The following ANO3 variants were observed in gnomAD, a reference collection of about 807,000 sequenced individuals.
ANO3 encodes the protein anoctamin 3, also known as anoctamin-3.
Under a neutral mutation model 144.8 loss-of-function variants are expected in ANO3, and 99 were observed. The observed-to-expected ratio is 0.68, with a 90% confidence interval of 0.58 to 0.81. ANO3 has a LOEUF of 0.81. ANO3 is among the 30% of genes least tolerant of loss of function. The pLI is 0.00. For synonymous variants in ANO3, 414 were observed against 392.6 expected, an observed-to-expected ratio of 1.05 and a Z score of -0.64; for missense variants, 905 against 1,202.2, an observed-to-expected ratio of 0.75 and a Z score of 3.66.
intron 13 of ANO3, among the ~76,000 whole-genome samples, 153 bp downstream of exon 13, chr11:26,553,498 A>C (rs980864609): frequency 2.6e-5 from 4 of 152,118 alleles, no homozygotes; most frequent in African/African-American, 9.7e-5. Context: ...ATGTCAGTCT[A>C]TTGCAATTAG....
chr11:26,508,416 T>C, intron 5 of ANO3, 154 bp downstream of exon 5: 1 of 568,328 alleles, frequency 1.8e-6, no homozygotes, highest in Middle Eastern at 4.6e-4. Flanking sequence ...CATAGCCCTA[T>C]TAAATATGTA....
At chr11:26,509,645 A>G (rs1861578550) in intron 5 of ANO3, among the ~76,000 whole-genome samples, 1 of 152,172 alleles carries the variant, frequency 6.6e-6, no homozygotes. Flanking sequence ...TTTGTAAAAA[A>G]TAGGAGCAAC....
At chr11:26,209,865 T>C (rs548772936) in intron 1 of ANO3, among the ~76,000 whole-genome samples, 1 of 152,316 alleles carries the variant, frequency 6.6e-6, no homozygotes, top group South Asian at 2.1e-4. Context: ...TTTGTTTAAG[T>C]TCTTTGTAGA....
At chr11:26,437,630 C>T (rs1259126050) in intron 1 of ANO3, among the ~76,000 whole-genome samples, 3 of 3,658 alleles carry the variant, frequency 8.2e-4, no homozygotes, top group Non-Finnish European at 1.5e-3. Context: ...AGAGTGGGCA[C>T]ACTAGCTAAT....
chr11:26,409,909 C>T (rs1437066459), intron 1 of ANO3, among the ~76,000 whole-genome samples: 1 of 151,920 alleles, frequency 6.6e-6, no homozygotes, highest in Non-Finnish European at 1.5e-5. Flanking sequence ...TAATTAAATT[C>T]CTATATCTCA....
At chr11:26,342,415 C>T (rs7933386) in intron 1 of ANO3, among the ~76,000 whole-genome samples, 12,075 of 152,138 alleles carry the variant, frequency 0.079, 569 homozygotes, top group Non-Finnish European at 0.11. Flanking sequence ...CTAAAGAGAA[C>T]TAGTTTGACC....
chr11:26,328,653 C>A (rs997500455), upstream of ANO3, among the ~76,000 whole-genome samples: 1 of 152,122 alleles, frequency 6.6e-6, no homozygotes, highest in African/African-American at 2.4e-5. Flanking sequence ...AAGTTAATTA[C>A]TTAAGGAGGA....
intron 1 of ANO3, among the ~76,000 whole-genome samples, chr11:26,393,048 G>A (rs951949884): frequency 8.5e-5 from 13 of 152,122 alleles, no homozygotes; most frequent in African/African-American, 3.1e-4. Context: ...CTGTTAATAT[G>A]CAGAAAGGCA....
chr11:26,332,113 C>G (rs1855061372), upstream of ANO3: 1 of 1,480,274 alleles, frequency 6.8e-7, no homozygotes, highest in African/African-American at 1.4e-5. Context: ...ACAACGACAC[C>G]GGCGGGCGCG....
At chr11:26,196,836 GT>G (rs1851599170) in intron 1 of ANO3, among the ~76,000 whole-genome samples, 3 of 152,178 alleles carry the variant, frequency 2.0e-5, no homozygotes, top group African/African-American at 7.2e-5. Flanking sequence ...AAGTTCCAGT[GT>G]ATAAAATGTT....
rs1366416693 is a variant in ANO3 at position 26,407,074 on chromosome 11, G to GTA, written c.47-34843_47-34842insAT. Reference sequence around the variant, plus strand: ...TGTGTGTGTGTGTGTGTGTGTGTGTGTGTATATATATATATATATGTATAT... The same window carrying GTA: ...TGTGTGTGTGTGTGTGTGTGTGTGTGTATGTATATATATATATATATGTATAT... On this transcript the variant is annotated intron_variant, in intron 1 of 26. Transcript: ENST00000256737. 3.8e-3 allele frequency among the ~76,000 whole-genome samples: 391 copies of GTA among 101,634 alleles called. 3 individuals are homozygous for GTA. Among genetic ancestry groups the GTA allele is most frequent in the African/African-American group, 0.011 (364 of 32,286 alleles). The allele number at this position is 101,634 out of a possible 152,430, so 66.7% of individuals were successfully genotyped here.
chr11:26,311,890 T>G (rs962071814), intron 1 of ANO3, among the ~76,000 whole-genome samples: 1 of 152,236 alleles, frequency 6.6e-6, no homozygotes, highest in Non-Finnish European at 1.5e-5. Flanking sequence ...AGGGTACATG[T>G]GCACAATGTG....
intron 17 of ANO3, among the ~76,000 whole-genome samples, chr11:26,623,384 G>A (rs1032140817): frequency 6.6e-6 from 1 of 152,136 alleles, no homozygotes; most frequent in African/African-American, 2.4e-5. Context: ...GTGGTTATGA[G>A]GTAATATTCA....
At chr11:26,377,893 C>T (rs1856458973) in intron 1 of ANO3, among the ~76,000 whole-genome samples, 1 of 152,078 alleles carries the variant, frequency 6.6e-6, no homozygotes, top group Non-Finnish European at 1.5e-5. Flanking sequence ...GAAGAAATCA[C>T]TGTCCATGCA....
At chr11:26,482,196 C>A (rs293946) in intron 4 of ANO3, among the ~76,000 whole-genome samples, 2,478 of 151,988 alleles carry the variant, frequency 0.016, 61 homozygotes, top group African/African-American at 0.056. Flanking sequence ...CTCCTCCCAG[C>A]TTTTAGTGTT....
At chr11:26,555,741 T>C (rs1850065618) in intron 13 of ANO3, among the ~76,000 whole-genome samples, 1 of 152,182 alleles carries the variant, frequency 6.6e-6, no homozygotes, top group Admixed American at 6.6e-5. Context: ...CTTCCCTTAT[T>C]GGATGGAAAT....
intron 1 of ANO3, among the ~76,000 whole-genome samples, chr11:26,397,070 G>C (rs1461792735): frequency 1.3e-5 from 2 of 151,856 alleles, no homozygotes; most frequent in Admixed American, 6.6e-5. Flanking sequence ...AGAACCTTTA[G>C]TTTCTTATTC....
intron 6 of ANO3, among the ~76,000 whole-genome samples, chr11:26,518,065 CA>C (rs1018884469): frequency 6.6e-6 from 1 of 151,380 alleles, no homozygotes; most frequent in African/African-American, 2.4e-5. Flanking sequence ...AGGATCTTGG[CA>C]AAAAAAGAAT....
At chr11:26,549,154 A>G (rs914379906) in intron 12 of ANO3, among the ~76,000 whole-genome samples, 1 of 151,980 alleles carries the variant, frequency 6.6e-6, no homozygotes, top group Admixed American at 6.6e-5. Flanking sequence ...TGATTTATAT[A>G]CCAATAGAGT....
Sources: allele counts gnomAD v4.1 joint callset (sites outside exome capture counted in the v4.1 genomes callset), GRCh38; gene constraint gnomAD v4.1.1; transcripts MANE v1.5; gene names NCBI Gene and HGNC (gene_info 2026-07-23, HGNC 2026-07-21).